The following CLPP variants were observed in gnomAD, a reference collection of about 807,000 sequenced individuals.
The protein encoded by CLPP is caseinolytic mitochondrial matrix peptidase proteolytic subunit.
CLPP carries 14 observed loss-of-function variants against 27.4 expected under a neutral mutation model. The observed-to-expected ratio is 0.51, with a 90% CI of 0.34 to 0.80. The LOEUF (loss-of-function observed/expected upper bound fraction) is 0.80, where lower values mean the gene tolerates loss of function less well. CLPP is among the 30% of genes least tolerant of loss of function. The probability of loss-of-function intolerance (pLI) is 0.02; values close to 1 mark genes in which losing one functional copy is unlikely to be tolerated. For missense variants in CLPP, 361 were observed against 403.6 expected (o/e 0.89, Z 0.90); for synonymous variants, 193 against 166.6 (o/e 1.16, Z -1.22).
At chr19:6,362,360 C>A (rs544096531) in intron 2 of CLPP, 86 bp from the exon 3 acceptor site, 1 of 900,430 alleles carries the variant, frequency 1.1e-6, no homozygotes, top group Non-Finnish European at 1.8e-6. Context: ...GGTCCCCCTT[C>A]CTGGTTCCCT....
intron 2 of CLPP, 48 bp from the exon 3 acceptor site, chr19:6,362,398 C>T: frequency 7.3e-7 from 1 of 1,377,394 alleles, no homozygotes; most frequent in Non-Finnish European, 1.0e-6. Flanking sequence ...CCTTAAAACT[C>T]TCTCCCCACC....
At chr19:6,364,418 T>C (rs530981521) in intron 3 of CLPP, 34 bp from the exon 4 acceptor site, 1 of 1,578,734 alleles carries the variant, frequency 6.3e-7, no homozygotes, top group Non-Finnish European at 8.6e-7. Flanking sequence ...CGGGGGGAGC[T>C]GGTCCAGCCC....
intron 3 of CLPP, among the ~76,000 whole-genome samples, chr19:6,363,279 C>T (rs760605148): frequency 1.3e-5 from 2 of 151,996 alleles, no homozygotes; most frequent in South Asian, 2.1e-4. Context: ...AGGCATGTGC[C>T]ACCATGCCTG....
rs1360662962 is a variant in CLPP, at chr19:6,369,423, A to C, written c.*713A>C. Among the ~76,000 whole-genome samples, 10 of 151,556 alleles carry C rather than the reference A, an allele frequency of 6.6e-5. No individual in the cohort carries two copies. The highest frequency in any genetic ancestry group is 5.9e-5 in the Non-Finnish European group (4 of 67,938). On this transcript the variant is annotated 3_prime_UTR_variant, in exon 6 of 6. Transcript: ENST00000245816. ...GAGCAAGGCTCTGTCTCAAAAAAAA[A>C]AAAAAACAAAAACAGGAAAGGTGGC...
chr19:6,362,361 C>G (rs557411239), intron 2 of CLPP, 85 bp from the exon 3 acceptor site: 1 of 914,440 alleles, frequency 1.1e-6, no homozygotes, highest in Non-Finnish European at 1.8e-6. Context: ...GTCCCCCTTC[C>G]TGGTTCCCTG....
intron 3 of CLPP, among the ~76,000 whole-genome samples, chr19:6,363,140 T>TTA (rs148381379): frequency 0.11 from 16,205 of 150,568 alleles, 1,216 homozygotes; most frequent in East Asian, 0.38. Context: ...TTTTTTTTTT[T>TTA]ATTGAGATGG....
At chr19:6,361,998 C>T (rs2091837023) in intron 2 of CLPP, 58 bp downstream of exon 2, 5 of 1,483,770 alleles carry the variant, frequency 3.4e-6, no homozygotes, top group Non-Finnish European at 4.6e-6. Context: ...GCCGACACTC[C>T]CTGCGCCCCT....
Position 6,369,922 on chromosome 19 carries a change from G to A in CLPP, c.*1212G>A, listed in dbSNP as rs1433703024. Among the ~76,000 whole-genome samples the A allele has an allele frequency of 1.3e-5, 2 of 152,246 alleles. No homozygotes were observed. Among genetic ancestry groups the A allele is most frequent in the African/African-American group, 4.8e-5 (2 of 41,466 alleles). On this transcript the variant is annotated 3_prime_UTR_variant, in exon 6 of 6. Coordinates refer to ENST00000245816, the MANE Select transcript of CLPP (RefSeq NM_006012.4). Reference sequence around the variant, plus strand: ...TAAGGATGACTATGACTCCTGAGGAGTGCACCATGAGCAGAAACTGGAGAG... The same window carrying A: ...TAAGGATGACTATGACTCCTGAGGAATGCACCATGAGCAGAAACTGGAGAG...
In CLPP at chr19:6,369,372, G is replaced by A. The variant is rs528528807; in HGVS notation, c.*662G>A. ...TGGAGGTTGCAGTGAGCAGGATCAC[G>A]CCACTGCCCTTTAGCCTGGGCAACA... is the stretch of plus-strand genomic sequence containing the variant. On this transcript the variant is annotated 3_prime_UTR_variant, in exon 6 of 6. Transcript: ENST00000245816. 1.1e-3 allele frequency among the ~76,000 whole-genome samples: 167 copies of A among 150,408 alleles called. No individual in the cohort carries two copies. The highest frequency in any genetic ancestry group is 3.8e-3 in the African/African-American group (156 of 40,834).
rs2091840697 is a variant in CLPP, at chr19:6,362,463, C to T, written c.288C>T (p.Ala96=). Reference sequence around the variant, plus strand: ...ACCTGCAGATCGATGACAGCGTTGCCAGCCTTGTTATCGCACAGCTCCTCT... The same window carrying T: ...ACCTGCAGATCGATGACAGCGTTGCTAGCCTTGTTATCGCACAGCTCCTCT... ...CVMGPIDDSV[A]SLVIAQLLFL... is the part of the protein sequence containing the mutation. The change falls in exon 3 of 6, where the codon GCC becomes GCT. Residue 96 remains alanine (A), a synonymous_variant. Coordinates refer to ENST00000245816, the MANE Select transcript of CLPP (RefSeq NM_006012.4). The T allele has an allele frequency of 6.2e-7, 1 of 1,613,852 alleles. No individual in the cohort carries two copies. Among genetic ancestry groups the T allele is most frequent in the Admixed American group, 1.7e-5 (1 of 59,990 alleles).
Position 6,361,532 on chromosome 19 carries a change from T to C in CLPP, c.-43T>C. On this transcript the variant is annotated 5_prime_UTR_variant, in exon 1 of 6. Coordinates refer to ENST00000245816, the MANE Select transcript of CLPP (RefSeq NM_006012.4). ...CAGGCGCAAAGCACGCCGGAAGCTG[T>C]AGTTCCGCCATCGGACGGAAGCCGA... 3 of 1,356,750 alleles carry C rather than the reference T, an allele frequency of 2.2e-6. No individual in the cohort carries two copies. Among genetic ancestry groups the C allele is most frequent in the Non-Finnish European group, 2.9e-6 (3 of 1,043,708 alleles). 84.0% of individuals were successfully genotyped at this position (1,356,750 alleles called of 1,614,324 possible). A position where few individuals can be genotyped will look rare whatever the true frequency, so the allele number is the denominator to read the frequency against.
In CLPP at chr19:6,369,356, C is replaced by G. The variant is rs933276866; in HGVS notation, c.*646C>G. 2.7e-5 allele frequency among the ~76,000 whole-genome samples: 4 copies of G among 150,328 alleles called. No homozygotes were observed. In the Admixed American group the frequency reaches 2.7e-4, roughly 10 times the overall value. ...GCTTGAACTTAGGAGGTGGAGGTTG[C>G]AGTGAGCAGGATCACGCCACTGCCC... On this transcript the variant is annotated 3_prime_UTR_variant, in exon 6 of 6. Coordinates refer to ENST00000245816, the MANE Select transcript of CLPP (RefSeq NM_006012.4).
At position 6,368,810 on chromosome 19, in the gene CLPP, T is replaced by C; in HGVS notation, c.*100T>C. 1.7e-6 allele frequency: 2 copies of C among 1,152,458 alleles called. No individual in the cohort carries two copies. Among genetic ancestry groups the C allele is most frequent in the Non-Finnish European group, 2.4e-6 (2 of 831,008 alleles). 71.4% of individuals were successfully genotyped at this position (1,152,458 alleles called of 1,614,324 possible). A position where few individuals can be genotyped will look rare whatever the true frequency, so the allele number is the denominator to read the frequency against. On this transcript the variant is annotated 3_prime_UTR_variant, in exon 6 of 6. Coordinates refer to ENST00000245816, the MANE Select transcript of CLPP (RefSeq NM_006012.4). ...CCTTGTTGCTGGGCTTGGAGGGGCC[T>C]CTTGAGGAACTTTTAATTTGCAGGG...
intron 3 of CLPP, among the ~76,000 whole-genome samples, chr19:6,364,169 T>TA (rs1382565086): frequency 6.6e-6 from 1 of 151,574 alleles, no homozygotes; most frequent in African/African-American, 2.4e-5. Context: ...TAGCTGGGAC[T>TA]ACAGGCACCC....
rs1461896526 is a variant in CLPP, at chr19:6,361,852, C to T, written c.199-17C>T. ...GCTGGCTGCCCCGGCCCCTCACCTC[C>T]ATCTTTCTACCCCCAGGGTCGCGGC... is the stretch of plus-strand genomic sequence containing the variant. On this transcript the variant is annotated splice_polypyrimidine_tract_variant and intron_variant, in intron 1 of 5. Transcript: ENST00000245816. The T allele has an allele frequency of 2.5e-6, 4 of 1,596,568 alleles. No individual in the cohort carries two copies. Among genetic ancestry groups the T allele is most frequent in the South Asian group, 2.2e-5 (2 of 90,984 alleles).
chr19:6,361,567 G>T lies in CLPP; in HGVS notation c.-8G>T. 7.2e-7 allele frequency: 1 copy of T among 1,397,410 alleles called. No homozygotes were observed. The highest frequency in any genetic ancestry group is 9.3e-7 in the Non-Finnish European group (1 of 1,072,262). The allele number at this position is 1,397,410 out of a possible 1,614,324, so 86.6% of individuals were successfully genotyped here. On this transcript the variant is annotated 5_prime_UTR_variant, in exon 1 of 6. Coordinates refer to ENST00000245816, the MANE Select transcript of CLPP (RefSeq NM_006012.4). ...ATCGGACGGAAGCCGACCGGGGCGT[G>T]CGGAGGGATGTGGCCCGGAATATTG... is the stretch of plus-strand genomic sequence containing the variant.
chr19:6,368,104 G>T (rs937527512), intron 5 of CLPP, among the ~76,000 whole-genome samples: 1 of 152,172 alleles, frequency 6.6e-6, no homozygotes, highest in African/African-American at 2.4e-5. Flanking sequence ...AGGCACTGCA[G>T]AATGAGGACA....
chr19:6,363,192 C>T (rs1243836480), intron 3 of CLPP, among the ~76,000 whole-genome samples: 1 of 143,566 alleles, frequency 7.0e-6, no homozygotes. Context: ...GTGTTGCAAT[C>T]TCAGCTCACT....
chr19:6,368,780 T>C lies in CLPP; in HGVS notation c.*70T>C. 7.0e-7 allele frequency: 1 copy of C among 1,430,434 alleles called. No individual in the cohort carries two copies. Among genetic ancestry groups the C allele is most frequent in the Non-Finnish European group, 9.4e-7 (1 of 1,061,042 alleles). 88.6% of individuals were successfully genotyped at this position (1,430,434 alleles called of 1,614,324 possible). ...TGCCAGACCCCCAGCTGGGCCCTGC[T>C]CACCCCTTGTTGCTGGGCTTGGAGG... On this transcript the variant is annotated 3_prime_UTR_variant, in exon 6 of 6. Coordinates refer to ENST00000245816, the MANE Select transcript of CLPP (RefSeq NM_006012.4).
Sources: allele counts gnomAD v4.1 joint callset (sites outside exome capture counted in the v4.1 genomes callset), GRCh38; gene constraint gnomAD v4.1.1; transcripts MANE v1.5; gene names NCBI Gene and HGNC (gene_info 2026-07-23, HGNC 2026-07-21).